PEX5L: variants seen among roughly 807,000 people sequenced by gnomAD.
PEX5L encodes the protein peroxisomal biogenesis factor 5 like.
PEX5L carries 30 observed loss-of-function variants against 84.0 expected under a neutral mutation model. The observed-to-expected ratio is 0.36, with a 90% CI of 0.27 to 0.48. The LOEUF is 0.48. Ranked by LOEUF, PEX5L falls within the 20% of genes least tolerant of loss-of-function variation. PEX5L has a pLI of 0.99. For synonymous variants in PEX5L, 270 were observed against 283.1 expected, an observed-to-expected ratio of 0.95 and a Z score of 0.46; for missense variants, 533 against 754.6, an observed-to-expected ratio of 0.71 and a Z score of 3.44.
intron 3 of PEX5L, among the ~76,000 whole-genome samples, chr3:179,888,584 T>A (rs1446432721): frequency 6.6e-6 from 1 of 152,050 alleles, no homozygotes; most frequent in Non-Finnish European, 1.5e-5. Context: ...CGAGTTATGT[T>A]TCTACGGTTA....
intron 1 of PEX5L, among the ~76,000 whole-genome samples, chr3:180,023,153 T>C (rs763404251): frequency 3.9e-5 from 6 of 152,174 alleles, no homozygotes; most frequent in East Asian, 1.9e-4. Context: ...CAGTCCCCAA[T>C]TGATTTGACA....
At chr3:179,994,808 G>A (rs1013919106) in intron 1 of PEX5L, among the ~76,000 whole-genome samples, 1 of 152,024 alleles carries the variant, frequency 6.6e-6, no homozygotes, top group Non-Finnish European at 1.5e-5. Context: ...GCAGAAAAAT[G>A]TGAAAAGACT....
chr3:179,951,429 C>T (rs1489429401), intron 2 of PEX5L, among the ~76,000 whole-genome samples: 2 of 151,784 alleles, frequency 1.3e-5, no homozygotes, highest in African/African-American at 4.8e-5. Flanking sequence ...GAAGTATAAG[C>T]AAATGGTCTC....
intron 14 of PEX5L, among the ~76,000 whole-genome samples, chr3:179,804,586 AG>A (rs1187575219): frequency 6.6e-6 from 1 of 152,164 alleles, no homozygotes; most frequent in Non-Finnish European, 1.5e-5. Context: ...ATATGGTACC[AG>A]GGTAGTGTTT....
chr3:179,936,497 T>C (rs1025422279), intron 2 of PEX5L, among the ~76,000 whole-genome samples: 1 of 152,364 alleles, frequency 6.6e-6, no homozygotes, highest in Non-Finnish European at 1.5e-5. Context: ...CAAAAGGAGC[T>C]GCTTTTCATT....
At chr3:179,959,185 G>C (rs1268067846) in intron 2 of PEX5L, among the ~76,000 whole-genome samples, 1 of 151,938 alleles carries the variant, frequency 6.6e-6, no homozygotes, top group East Asian at 1.9e-4. Flanking sequence ...ACCACTCTTT[G>C]AGTAGACAGG....
At chr3:179,852,548 C>G (rs1054532453) in intron 8 of PEX5L, among the ~76,000 whole-genome samples, 2 of 152,010 alleles carry the variant, frequency 1.3e-5, no homozygotes, top group Non-Finnish European at 2.9e-5. Flanking sequence ...TCACGTAAAG[C>G]TAAAGAAAAG....
chr3:179,917,500 A>C (rs1431320115), intron 2 of PEX5L, among the ~76,000 whole-genome samples: 1 of 152,204 alleles, frequency 6.6e-6, no homozygotes, highest in African/African-American at 2.4e-5. Context: ...GCAGCACAGT[A>C]ATTTGTCTTC....
intron 1 of PEX5L, among the ~76,000 whole-genome samples, chr3:180,022,410 A>G (rs1435150458): frequency 1.3e-5 from 2 of 152,144 alleles, no homozygotes; most frequent in African/African-American, 4.8e-5. Context: ...GCATAAATGG[A>G]TGTCTAAGAT....
At chr3:180,004,428 A>G (rs1258872634) in intron 1 of PEX5L, among the ~76,000 whole-genome samples, 1 of 152,226 alleles carries the variant, frequency 6.6e-6, no homozygotes, top group Non-Finnish European at 1.5e-5. Flanking sequence ...TTTTTGGTCA[A>G]GCTAATGGAA....
At chr3:179,849,424 A>G (rs1403405501) in intron 8 of PEX5L, among the ~76,000 whole-genome samples, 2 of 152,232 alleles carry the variant, frequency 1.3e-5, no homozygotes, top group African/African-American at 4.8e-5. Context: ...ATCCAATTTA[A>G]TTTCAACCAC....
Position 179,794,960 on chromosome 3 carries a change from T to A in PEX5L, c.*6868A>T, listed in dbSNP as rs946970258. On this transcript the variant is annotated 3_prime_UTR_variant, in exon 15 of 15. Coordinates refer to ENST00000467460, the MANE Select transcript of PEX5L (RefSeq NM_016559.3). Reference sequence around the variant, plus strand: ...ACCAAAAGACCCTAAAACTGAAATTTATTTTAATATTTTTATTCTAAAAAG... The same window carrying A: ...ACCAAAAGACCCTAAAACTGAAATTAATTTTAATATTTTTATTCTAAAAAG... The A allele has an allele frequency of 2.0e-5, 3 of 152,322 alleles. No homozygotes were observed. Among genetic ancestry groups the A allele is most frequent in the South Asian group, 2.1e-4 (1 of 4,832 alleles). The allele number at this position is 152,322 out of a possible 1,614,324, so 9.4% of individuals were successfully genotyped here.
intron 8 of PEX5L, among the ~76,000 whole-genome samples, chr3:179,857,241 T>C (rs749443542): frequency 1.1e-4 from 17 of 152,132 alleles, no homozygotes; most frequent in Admixed American, 1.1e-3. Flanking sequence ...AGCCAGGAGA[T>C]GTGGCTTGCT....
chr3:179,866,966 C>T (rs940716600), intron 7 of PEX5L, among the ~76,000 whole-genome samples: 1 of 147,042 alleles, frequency 6.8e-6, no homozygotes, highest in South Asian at 2.1e-4. Context: ...GCAGATGTTG[C>T]CGTGAGTCGA....
chr3:179,980,203 C>T (rs1036856450), intron 1 of PEX5L, among the ~76,000 whole-genome samples: 6 of 152,224 alleles, frequency 3.9e-5, no homozygotes, highest in South Asian at 2.1e-4. Context: ...GTTTGTGCTT[C>T]GGCCATAAAA....
chr3:179,917,406 T>C (rs1395928898), intron 2 of PEX5L, among the ~76,000 whole-genome samples: 1 of 152,130 alleles, frequency 6.6e-6, no homozygotes, highest in African/African-American at 2.4e-5. Context: ...TAAGTAAATA[T>C]ATAAACCAGC....
intron 2 of PEX5L, among the ~76,000 whole-genome samples, chr3:179,903,024 A>T (rs894418279): frequency 6.6e-6 from 1 of 152,124 alleles, no homozygotes; most frequent in African/African-American, 2.4e-5. Flanking sequence ...AGGAAAACAA[A>T]ATTAACAACT....
chr3:180,007,901 C>A (rs9849008), intron 1 of PEX5L, among the ~76,000 whole-genome samples: 2,593 of 152,272 alleles, frequency 0.017, 82 homozygotes, highest in African/African-American at 0.059. Flanking sequence ...GCCTCTGGGC[C>A]TGTGATGGGA....
chr3:179,998,686 G>A (rs961787148), intron 1 of PEX5L, among the ~76,000 whole-genome samples: 8 of 152,146 alleles, frequency 5.3e-5, no homozygotes, highest in Non-Finnish European at 7.4e-5. Flanking sequence ...TCCATCTAGC[G>A]ATAAAGTGGG....
Sources: allele counts gnomAD v4.1 joint callset (sites outside exome capture counted in the v4.1 genomes callset), GRCh38; gene constraint gnomAD v4.1.1; transcripts MANE v1.5; gene names NCBI Gene and HGNC (gene_info 2026-07-23, HGNC 2026-07-21).